SUGCT: variants seen among roughly 807,000 people sequenced by gnomAD.
SUGCT encodes the protein succinyl-CoA:glutarate CoA-transferase.
Under a neutral mutation model 55.0 loss-of-function variants are expected in SUGCT, and 41 were observed. That is an observed-to-expected ratio of 0.74 (90% CI 0.58 to 0.97). SUGCT has a LOEUF of 0.97. Among genes scored for constraint, SUGCT ranks in the 50% least tolerant of loss-of-function variants. The pLI is 0.00. For missense variants in SUGCT, 568 were observed against 547.8 expected, an observed-to-expected ratio of 1.04 and a Z score of -0.37; for synonymous variants, 187 against 200.4, an observed-to-expected ratio of 0.93 and a Z score of 0.56.
intron 8 of SUGCT, among the ~76,000 whole-genome samples, chr7:40,284,009 A>T (rs1754506168): frequency 6.6e-6 from 1 of 152,316 alleles, no homozygotes; most frequent in Middle Eastern, 3.4e-3. Context: ...AACAAGACAT[A>T]TGAACCTGCA....
rs567352541 is a variant in SUGCT at position 40,585,360 on chromosome 7, G to A, written c.1089+88974G>A. On this transcript the variant is annotated intron_variant, in intron 12 of 13. Coordinates refer to ENST00000335693, the MANE Select transcript of SUGCT (RefSeq NM_001193313.2). ...CCAGCAGTCAGGTTTCGTTGTTGTC[G>A]TCTTTGTTTTGCCTTCTTCTCTGAA... Among the ~76,000 whole-genome samples the A allele has an allele frequency of 3.9e-5, 6 of 152,206 alleles. No homozygotes were observed. In the South Asian group the frequency reaches 1.2e-3, roughly 32 times the overall value.
intron 13 of SUGCT, among the ~76,000 whole-genome samples, chr7:40,841,189 T>G (rs925272116): frequency 6.6e-6 from 1 of 152,130 alleles, no homozygotes; most frequent in Non-Finnish European, 1.5e-5. Flanking sequence ...AATAAAATTT[T>G]GCTGACACAG....
chr7:40,882,734 T>C, the SUGCT span, among the ~76,000 whole-genome samples: 1 of 152,306 alleles, frequency 6.6e-6, no homozygotes, highest in South Asian at 2.1e-4. Flanking sequence ...AACAAAGTAA[T>C]GAATATGTTA....
intron 12 of SUGCT, among the ~76,000 whole-genome samples, chr7:40,657,371 A>G: frequency 6.6e-6 from 1 of 152,176 alleles, no homozygotes; most frequent in East Asian, 1.9e-4. Flanking sequence ...ATTGACAATA[A>G]TGTCAATCGA....
intron 11 of SUGCT, among the ~76,000 whole-genome samples, chr7:40,494,971 G>C (rs973044053): frequency 6.6e-6 from 1 of 151,910 alleles, no homozygotes; most frequent in Non-Finnish European, 1.5e-5. Context: ...GAGTGCGATG[G>C]TGCGACCTCA....
intron 12 of SUGCT, among the ~76,000 whole-genome samples, chr7:40,599,642 T>C (rs1187936847): frequency 6.6e-6 from 1 of 152,214 alleles, no homozygotes; most frequent in Non-Finnish European, 1.5e-5. Flanking sequence ...AAAACCCAAT[T>C]GCTTTTGATT....
chr7:40,565,304 A>G (rs938478902), intron 12 of SUGCT, among the ~76,000 whole-genome samples: 43 of 152,188 alleles, frequency 2.8e-4, no homozygotes, highest in Non-Finnish European at 1.2e-4. Flanking sequence ...TTGTTAGTCA[A>G]CTAATTTGTG....
chr7:40,659,120 G>A (rs951481086), intron 12 of SUGCT, among the ~76,000 whole-genome samples: 8 of 152,168 alleles, frequency 5.3e-5, no homozygotes, highest in African/African-American at 1.9e-4. Context: ...TTTCTCTGAT[G>A]TTATAGGGAT....
chr7:40,226,347 A>G (rs928568313), intron 6 of SUGCT, among the ~76,000 whole-genome samples: 7 of 152,324 alleles, frequency 4.6e-5, no homozygotes, highest in Admixed American at 2.0e-4. Flanking sequence ...ACTTCTTTCC[A>G]AGTAATGGGA....
At chr7:40,224,345 G>C (rs1049871115) in intron 6 of SUGCT, among the ~76,000 whole-genome samples, 2 of 150,990 alleles carry the variant, frequency 1.3e-5, no homozygotes, top group Non-Finnish European at 3.0e-5. Flanking sequence ...GTTTATAATA[G>C]TTTTTTTTCC....
chr7:40,701,551 A>T (rs1220460382), intron 12 of SUGCT, among the ~76,000 whole-genome samples: 1 of 152,268 alleles, frequency 6.6e-6, no homozygotes, highest in African/African-American at 2.4e-5. Context: ...AGGCGATCCC[A>T]TGGGAAATGA....
intron 12 of SUGCT, chr7:40,539,313 A>G (rs1794546564): frequency 6.6e-6 from 1 of 152,140 alleles, no homozygotes; most frequent in South Asian, 2.1e-4. Flanking sequence ...CTTTTTATTC[A>G]TAGTTTAACC....
chr7:40,996,310 G>C, the SUGCT span, among the ~76,000 whole-genome samples: 2 of 152,094 alleles, frequency 1.3e-5, no homozygotes, highest in Non-Finnish European at 2.9e-5. Context: ...TCAGAGAAGG[G>C]ACCCCGCCAG....
At chr7:40,843,237 C>T (rs933960551) in intron 13 of SUGCT, among the ~76,000 whole-genome samples, 9 of 152,176 alleles carry the variant, frequency 5.9e-5, no homozygotes, top group Middle Eastern at 3.4e-3. Flanking sequence ...TGAAGCTGGG[C>T]GTGGTGGCTC....
At chr7:41,009,402 T>C in the SUGCT span, among the ~76,000 whole-genome samples, 1 of 152,186 alleles carries the variant, frequency 6.6e-6, no homozygotes, top group African/African-American at 2.4e-5. Flanking sequence ...TCCCAAATCA[T>C]AGGCCTAGTG....
At chr7:41,009,507 C>T in the SUGCT span, among the ~76,000 whole-genome samples, 5 of 152,090 alleles carry the variant, frequency 3.3e-5, no homozygotes, top group South Asian at 6.2e-4. Flanking sequence ...CATCCACCAT[C>T]CTTCCTTCCT....
intron 12 of SUGCT, among the ~76,000 whole-genome samples, chr7:40,645,559 C>T (rs1800461677): frequency 6.6e-6 from 1 of 152,200 alleles, no homozygotes; most frequent in Non-Finnish European, 1.5e-5. Context: ...GATTCATCCT[C>T]CTCAGAAAGA....
At chr7:40,819,585 A>G (rs1331286930) in intron 13 of SUGCT, among the ~76,000 whole-genome samples, 2 of 152,078 alleles carry the variant, frequency 1.3e-5, no homozygotes, top group South Asian at 2.1e-4. Context: ...CATATCCTTC[A>G]CCCACTTTTT....
chr7:40,156,337 C>G (rs571085019), intron 1 of SUGCT, among the ~76,000 whole-genome samples: 1 of 152,172 alleles, frequency 6.6e-6, no homozygotes, highest in East Asian at 2.0e-4. Flanking sequence ...GTGAAGGGCA[C>G]CTGTAGTCGC....
Sources: allele counts gnomAD v4.1 joint callset (sites outside exome capture counted in the v4.1 genomes callset), GRCh38; gene constraint gnomAD v4.1.1; transcripts MANE v1.5; gene names NCBI Gene and HGNC (gene_info 2026-07-23, HGNC 2026-07-21).